ACOXL: variants seen among roughly 807,000 people sequenced by gnomAD.
ACOXL encodes acyl-CoA oxidase like.
In ACOXL, 70 loss-of-function variants were observed where a neutral mutation model predicts 71.9. That is an observed-to-expected ratio of 0.97 (90% CI 0.80 to 1.19). ACOXL has a LOEUF of 1.19. Among genes scored for constraint, ACOXL ranks in the 50% most tolerant of loss-of-function variants. The pLI, the probability that ACOXL is intolerant of heterozygous loss-of-function variation, is 0.00. For synonymous variants in ACOXL, 253 were observed against 281.6 expected (o/e 0.90, Z 1.02); for missense variants, 703 against 736.3 (o/e 0.95, Z 0.52).
chr2:111,031,535 T>A, intron 14 of ACOXL, 92 bp from the exon 15 acceptor site: 4 of 1,179,178 alleles, frequency 3.4e-6, no homozygotes, highest in African/African-American at 1.5e-5. Flanking sequence ...AATGTAGTAC[T>A]GAAAATTTGG....
intron 15 of ACOXL, among the ~76,000 whole-genome samples, chr2:111,033,376 C>T (rs773443129): frequency 6.6e-6 from 1 of 152,168 alleles, no homozygotes; most frequent in Non-Finnish European, 1.5e-5. Context: ...CCAGTTTATT[C>T]ATCAGAAAGA....
chr2:111,061,826 A>C (rs2066831018), intron 16 of ACOXL, among the ~76,000 whole-genome samples: 1 of 152,104 alleles, frequency 6.6e-6, no homozygotes, highest in South Asian at 2.1e-4. Flanking sequence ...AACTACTAAA[A>C]AACTACTCAG....
intron 14 of ACOXL, among the ~76,000 whole-genome samples, chr2:111,015,975 C>T (rs1461738075): frequency 6.6e-6 from 1 of 152,162 alleles, no homozygotes; most frequent in African/African-American, 2.4e-5. Flanking sequence ...CTCTGTTGCC[C>T]AGGCTGGAGT....
chr2:110,968,251 A>C, intron 12 of ACOXL: 2 of 1,117,826 alleles, frequency 1.8e-6, no homozygotes, highest in Non-Finnish European at 2.7e-6. Context: ...TGGTCAGCCA[A>C]GTGCCTTTAC....
intron 16 of ACOXL, among the ~76,000 whole-genome samples, chr2:111,060,521 C>T (rs1376891526): frequency 6.6e-6 from 1 of 152,176 alleles, no homozygotes; most frequent in Non-Finnish European, 1.5e-5. Context: ...CCTGATGGTG[C>T]AGCATCACAG....
intron 17 of ACOXL, among the ~76,000 whole-genome samples, chr2:111,111,757 T>C (rs1217363683): frequency 6.6e-6 from 1 of 152,206 alleles, no homozygotes; most frequent in East Asian, 1.9e-4. Context: ...TAGAAAGAAA[T>C]TGTATTTATT....
At chr2:111,117,545 G>A in intron 17 of ACOXL, 71 bp from the exon 18 acceptor site, 1 of 1,498,046 alleles carries the variant, frequency 6.7e-7, no homozygotes, top group Non-Finnish European at 9.1e-7. Flanking sequence ...TTGGTGGGCT[G>A]AAAGCTGCTG....
intron 11 of ACOXL, among the ~76,000 whole-genome samples, chr2:110,925,574 T>C (rs937806586): frequency 6.6e-6 from 1 of 152,236 alleles, no homozygotes. Context: ...CTTTGTAGAA[T>C]TGAAGAGAGT....
chr2:111,021,237 T>G (rs1236873896), intron 14 of ACOXL, among the ~76,000 whole-genome samples: 1 of 152,140 alleles, frequency 6.6e-6, no homozygotes, highest in Non-Finnish European at 1.5e-5. Flanking sequence ...GCTCAGCATT[T>G]CACTGGGTCT....
At position 111,117,670 on chromosome 2, in the gene ACOXL, T is replaced by C. The variant is rs577921710; in HGVS notation, c.1597T>C (p.Phe533Leu). The change falls in exon 18 of 18, where the codon TTT becomes CTT. Residue 533 changes from phenylalanine to leucine, a missense_variant. Physicochemically the swap from Phe to Leu is conservative, Grantham distance 22 (BLOSUM62 0). Coordinates refer to ENST00000439055, the MANE Select transcript of ACOXL (RefSeq NM_001142807.4). ...KDDARRVIST[F>L]NIPHTYLHAP... ...TGATGCCCGGAGGGTGATCTCGACC[T>C]TTAACATTCCACACACCTACCTCCA... 5.4e-5 allele frequency: 84 copies of C among 1,551,786 alleles called. No homozygotes were observed. The Admixed American group carries it at 1.6e-3, about 30-fold the overall frequency.
intron 16 of ACOXL, among the ~76,000 whole-genome samples, chr2:111,075,626 C>A: frequency 6.6e-6 from 1 of 151,568 alleles, no homozygotes; most frequent in East Asian, 1.9e-4. Context: ...GGGTTTTACT[C>A]TTGTTTTTCT....
intron 10 of ACOXL, among the ~76,000 whole-genome samples, chr2:110,893,323 G>A (rs2058867194): frequency 6.6e-6 from 1 of 151,630 alleles, no homozygotes; most frequent in South Asian, 2.1e-4. Context: ...ATTTGAAGAA[G>A]ACATATACAT....
intron 9 of ACOXL, among the ~76,000 whole-genome samples, chr2:110,838,187 A>G (rs1366943429): frequency 6.6e-6 from 1 of 152,258 alleles, no homozygotes; most frequent in African/African-American, 2.4e-5. Flanking sequence ...ATGTATGCAC[A>G]TGTGAATAAA....
At chr2:110,867,938 T>C (rs1694814024) in intron 10 of ACOXL, among the ~76,000 whole-genome samples, 1 of 151,922 alleles carries the variant, frequency 6.6e-6, no homozygotes, top group Non-Finnish European at 1.5e-5. Context: ...AATTTTTGTA[T>C]TTTTAGTAGA....
intron 10 of ACOXL, among the ~76,000 whole-genome samples, chr2:110,879,066 A>C (rs969869199): frequency 6.6e-6 from 1 of 152,046 alleles, no homozygotes; most frequent in Non-Finnish European, 1.5e-5. Context: ...AAAAAAAAAA[A>C]AAAGTCAAAA....
At chr2:111,117,235 G>A (rs963580181) in intron 17 of ACOXL, among the ~76,000 whole-genome samples, 1 of 152,186 alleles carries the variant, frequency 6.6e-6, no homozygotes, top group African/African-American at 2.4e-5. Flanking sequence ...AGGAGGGGAC[G>A]ACAGGGGAGG....
chr2:110,856,149 G>GCT, intron 10 of ACOXL, among the ~76,000 whole-genome samples: 1 of 152,220 alleles, frequency 6.6e-6, no homozygotes, highest in East Asian at 1.9e-4. Context: ...TTTACAATCC[G>GCT]AGCTACAGAA....
At chr2:110,973,105 T>G (rs1354144944) in intron 12 of ACOXL, among the ~76,000 whole-genome samples, 1 of 152,200 alleles carries the variant, frequency 6.6e-6, no homozygotes, top group Non-Finnish European at 1.5e-5. Context: ...TGCCATAAGA[T>G]AAAGCATATG....
intron 14 of ACOXL, among the ~76,000 whole-genome samples, chr2:111,003,012 G>T (rs1290123501): frequency 1.3e-5 from 2 of 152,158 alleles, no homozygotes; most frequent in African/African-American, 4.8e-5. Flanking sequence ...TAGGTCCATT[G>T]TAAAATATCT....
Sources: gnomAD v4.1 joint callset for allele counts (sites outside exome capture counted in the v4.1 genomes callset) on GRCh38, gnomAD v4.1.1 for gene constraint, MANE v1.5 for transcripts, NCBI Gene and HGNC (gene_info 2026-07-23, HGNC 2026-07-21) for gene names.